RNF220: variants seen among roughly 807,000 people sequenced by gnomAD.
RNF220 encodes ring finger protein 220.
Under a neutral mutation model 67.1 loss-of-function variants are expected in RNF220, and 7 were observed. That is an observed-to-expected ratio of 0.10 (90% CI 0.06 to 0.20). RNF220 has a LOEUF of 0.20. RNF220 is among the 10% of genes least tolerant of loss of function. The pLI is 1.00. For synonymous variants in RNF220, 270 were observed against 283.2 expected (o/e 0.95, Z 0.47); for missense variants, 565 against 740.3 (o/e 0.76, Z 2.75).
intron 2 of RNF220, among the ~76,000 whole-genome samples, chr1:44,473,371 T>C (rs1654991555): frequency 6.6e-6 from 1 of 151,658 alleles, no homozygotes; most frequent in Non-Finnish European, 1.5e-5. Flanking sequence ...TGGAGTTTAG[T>C]AGGGTGATGG....
At chr1:44,476,994 A>G (rs1203533483) in intron 2 of RNF220, among the ~76,000 whole-genome samples, 1 of 152,224 alleles carries the variant, frequency 6.6e-6, no homozygotes, top group Non-Finnish European at 1.5e-5. Flanking sequence ...TGGTTAAGCT[A>G]CCAAGCAAGC....
At chr1:44,614,681 G>C (rs537260123) in intron 3 of RNF220, among the ~76,000 whole-genome samples, 2 of 152,192 alleles carry the variant, frequency 1.3e-5, no homozygotes, top group East Asian at 3.9e-4. Flanking sequence ...CCTCCAGTGG[G>C]GTGGACACTA....
At chr1:44,469,333 C>G (rs1048958488) in intron 2 of RNF220, among the ~76,000 whole-genome samples, 3 of 152,100 alleles carry the variant, frequency 2.0e-5, no homozygotes, top group Non-Finnish European at 4.4e-5. Context: ...TCCGTAGGGT[C>G]TTTAATTCTT....
intron 2 of RNF220, among the ~76,000 whole-genome samples, chr1:44,451,295 A>C (rs1461911991): frequency 1.3e-5 from 2 of 152,180 alleles, no homozygotes; most frequent in African/African-American, 4.8e-5. Context: ...CCAACACTGG[A>C]TATTATCAGT....
intron 2 of RNF220, among the ~76,000 whole-genome samples, chr1:44,437,836 C>G (rs551788898): frequency 6.6e-6 from 1 of 152,276 alleles, no homozygotes; most frequent in African/African-American, 2.4e-5. Flanking sequence ...ACAGACAGGC[C>G]TGGATTTGAA....
At chr1:44,451,968 T>C (rs1652735283) in intron 2 of RNF220, among the ~76,000 whole-genome samples, 1 of 152,270 alleles carries the variant, frequency 6.6e-6, no homozygotes, top group South Asian at 2.1e-4. Context: ...GTTTGTGTTT[T>C]GCTTAGGAAG....
intron 2 of RNF220, among the ~76,000 whole-genome samples, chr1:44,528,138 T>C (rs967875361): frequency 7.2e-5 from 11 of 151,992 alleles, no homozygotes; most frequent in Non-Finnish European, 1.5e-4. Context: ...ACATTTGATG[T>C]CCGTAATATG....
At chr1:44,605,495 A>G (rs1667211028) in intron 2 of RNF220, among the ~76,000 whole-genome samples, 1 of 152,126 alleles carries the variant, frequency 6.6e-6, no homozygotes. Context: ...TACTATTACT[A>G]TGACTATTTT....
chr1:44,597,193 A>G (rs1322151384), intron 2 of RNF220, among the ~76,000 whole-genome samples: 2 of 152,216 alleles, frequency 1.3e-5, no homozygotes, highest in East Asian at 1.9e-4. Flanking sequence ...TTAGGCAAGT[A>G]TAATTATTAT....
At chr1:44,514,690 T>TA (rs912782563) in intron 2 of RNF220, among the ~76,000 whole-genome samples, 51 of 152,290 alleles carry the variant, frequency 3.3e-4, no homozygotes, top group African/African-American at 1.2e-3. Context: ...TAGATTTTTT[T>TA]AAAAAAGATA....
chr1:44,435,611 C>T (rs1650885814), intron 2 of RNF220, among the ~76,000 whole-genome samples: 1 of 152,046 alleles, frequency 6.6e-6, no homozygotes, highest in African/African-American at 2.4e-5. Context: ...TGCTGGCCTT[C>T]AAATAATTGG....
At chr1:44,483,041 C>T (rs775174819) in intron 2 of RNF220, among the ~76,000 whole-genome samples, 10 of 149,840 alleles carry the variant, frequency 6.7e-5, no homozygotes, top group Non-Finnish European at 1.3e-4. Flanking sequence ...GGCAGTCCTC[C>T]TGCCTTAGCC....
Position 44,632,403 on chromosome 1 carries a change from C to CCCCCCCA in RNF220, c.949+19_949+20insCCCCCAC. The CCCCCCCA allele has an allele frequency of 1.2e-6, 2 of 1,604,560 alleles. No homozygotes were observed. Among genetic ancestry groups the CCCCCCCA allele is most frequent in the Non-Finnish European group, 1.7e-6 (2 of 1,175,158 alleles). On this transcript the variant is annotated intron_variant, in intron 6 of 14. Transcript: ENST00000361799. The stretch of plus-strand genomic sequence containing the variant: ...ACTGAATGGTGAGTCCTGCCCGGCC[C>CCCCCCCA]CTCCCTCCGCCCCACCCCCGGCCTC...
At chr1:44,433,574 C>T (rs1650639238) in intron 2 of RNF220, among the ~76,000 whole-genome samples, 1 of 152,172 alleles carries the variant, frequency 6.6e-6, no homozygotes, top group African/African-American at 2.4e-5. Context: ...AGTTTTAAAA[C>T]AGTGAAATAA....
intron 8 of RNF220, among the ~76,000 whole-genome samples, chr1:44,640,144 T>C (rs1029946274): frequency 1.3e-5 from 2 of 152,232 alleles, no homozygotes; most frequent in African/African-American, 4.8e-5. Context: ...GCCAGAAGTA[T>C]GGGGCAAGGG....
At chr1:44,548,771 C>T (rs1426751375) in intron 2 of RNF220, among the ~76,000 whole-genome samples, 1 of 152,178 alleles carries the variant, frequency 6.6e-6, no homozygotes, top group African/African-American at 2.4e-5. Context: ...GGATTACAGG[C>T]GTGAGCCACT....
chr1:44,646,087 A>G (rs1009604880), intron 12 of RNF220, among the ~76,000 whole-genome samples: 1 of 152,196 alleles, frequency 6.6e-6, no homozygotes, highest in Non-Finnish European at 1.5e-5. Flanking sequence ...TTCTGGCCTC[A>G]GGAGATGGCA....
At chr1:44,576,489 A>G (rs72897553) in intron 2 of RNF220, among the ~76,000 whole-genome samples, 3,705 of 152,176 alleles carry the variant, frequency 0.024, 150 homozygotes, top group African/African-American at 0.085. Context: ...GGCATGTAGG[A>G]TTCCCTCCCA....
chr1:44,649,960 G>A lies in RNF220; in HGVS notation c.1629+3G>A. On this transcript the variant is annotated splice_donor_region_variant and intron_variant, in intron 14 of 14. Transcript: ENST00000361799. This position sits in a 1 kb window ranked among gnomAD's most constrained non-coding sequence, Gnocchi z 5.9. ...AGGAGTGCTGGCTGCGGACCCTGGT[G>A]AGGTGGCATGGGGGTCGGGGAATGG... is the stretch of plus-strand genomic sequence containing the variant. 6.2e-7 allele frequency: 1 copy of A among 1,613,380 alleles called. No homozygotes were observed. Among genetic ancestry groups the A allele is most frequent in the Non-Finnish European group, 8.5e-7 (1 of 1,179,892 alleles).
Sources: gnomAD v4.1 joint callset for allele counts (sites outside exome capture counted in the v4.1 genomes callset) on GRCh38, gnomAD v4.1.1 for gene constraint, Gnocchi (gnomAD v3.1) non-coding constraint, MANE v1.5 for transcripts, NCBI Gene and HGNC (gene_info 2026-07-23, HGNC 2026-07-21) for gene names.